The following LYG1 variants were observed in gnomAD, a reference collection of about 807,000 sequenced individuals.
The protein encoded by LYG1 is lysozyme g1.
LYG1 carries 17 observed loss-of-function variants against 21.7 expected under a neutral mutation model. The ratio of observed to expected loss-of-function variants is 0.78; its 90% CI spans 0.54 to 1.18. The LOEUF is 1.18. Ranked by LOEUF, LYG1 falls within the 50% of genes most tolerant of loss-of-function variation. LYG1 has a pLI of 0.00. For synonymous variants in LYG1, 81 were observed against 87.4 expected, an observed-to-expected ratio of 0.93 and a Z score of 0.41; for missense variants, 211 against 238.1, an observed-to-expected ratio of 0.89 and a Z score of 0.75.
chr2:99,284,762 G>GT lies in LYG1; in HGVS notation c.391dup (p.Thr131AsnfsTer2). 6.2e-7 allele frequency: 1 copy of GT among 1,613,936 alleles called. No individual in the cohort carries two copies. On this transcript the variant is annotated frameshift_variant, in exon 6 of 7. Coordinates refer to ENST00000308528, the MANE Select transcript of LYG1 (RefSeq NM_174898.3). LOFTEE classifies it high-confidence loss of function. Reference sequence around the variant, plus strand: ...TTTGATTCTAGTAGTCAGAACTTCAGTTGTCTGGGAAACCTGAGACTCACT... The same window carrying GT: ...TTTGATTCTAGTAGTCAGAACTTCAGTTTGTCTGGGAAACCTGAGACTCACT...
chr2:99,300,479 G>A (rs140380588), intron 1 of LYG1, among the ~76,000 whole-genome samples: 4 of 152,316 alleles, frequency 2.6e-5, no homozygotes, highest in African/African-American at 7.2e-5. Context: ...CCTCTGTTCC[G>A]TCTATGGACT....
In LYG1 at chr2:99,299,748, A is replaced by T. The variant is rs114223774; in HGVS notation, c.-123-1199T>A. Among the ~76,000 whole-genome samples, 439 of 151,826 alleles carry T rather than the reference A, an allele frequency of 2.9e-3. 2 individuals carry two copies. The highest frequency in any genetic ancestry group is 1.0e-2 in the African/African-American group (413 of 41,498). ...ATTATTTTTAATTTTTTATTATTTT[A>T]ACTTTTTAATTTTTTTAATTTTTGT... On this transcript the variant is annotated intron_variant, in intron 1 of 6. Coordinates refer to ENST00000308528, the MANE Select transcript of LYG1 (RefSeq NM_174898.3).
chr2:99,286,698 G>A (rs2094100732), intron 5 of LYG1, among the ~76,000 whole-genome samples: 1 of 152,040 alleles, frequency 6.6e-6, no homozygotes, highest in Non-Finnish European at 1.5e-5. Flanking sequence ...GAGTGAGACT[G>A]TCTCAAAAAA....
At position 99,295,615 on chromosome 2, in the gene LYG1, C is replaced by T; in HGVS notation, c.43+13G>A. The T allele has an allele frequency of 6.2e-7, 1 of 1,614,150 alleles. No homozygotes were observed. ...CATCTCCAAAGTCATTTGTAAAAAT[C>T]AGCCACACTCACCCATCAGGGCAAG... On this transcript the variant is annotated intron_variant, in intron 3 of 6. Transcript: ENST00000308528.
Position 99,291,395 on chromosome 2 carries a change from C to T in LYG1, c.175G>A (p.Glu59Lys). Residue 59 changes from glutamate to lysine, a missense_variant, in exon 5 of 7, where the codon GAA (glutamate) becomes AAA (lysine). By Grantham distance (56) the Glu-to-Lys change is moderately conservative. Transcript: ENST00000308528. ...CGVRASERLAEIDMPYLLKYQ... is the reference protein window; with the variant it reads ...CGVRASERLAKIDMPYLLKYQ... ...TTCAGGAGGTATGGCATGTCTATTT[C>T]AGCCAGCCTTTCAGAAGCACGAACT... 2.5e-6 allele frequency: 4 copies of T among 1,614,182 alleles called. No individual in the cohort carries two copies. The highest frequency in any genetic ancestry group is 3.4e-6 in the Non-Finnish European group (4 of 1,180,028).
At chr2:99,302,817 G>A (rs747240509), upstream of LYG1, among the ~76,000 whole-genome samples, 6 of 151,860 alleles carry the variant, frequency 4.0e-5, no homozygotes, top group South Asian at 6.2e-4. Context: ...TCAGGAGTTC[G>A]GACCAGCCTG....
upstream of LYG1, among the ~76,000 whole-genome samples, chr2:99,303,864 C>A (rs2094160630): frequency 6.6e-6 from 1 of 151,054 alleles, no homozygotes; most frequent in Non-Finnish European, 1.5e-5. Context: ...CTCAAGAGAT[C>A]TGATGATTTT....
intron 1 of LYG1, among the ~76,000 whole-genome samples, chr2:99,299,622 G>A (rs1343751024): frequency 1.4e-4 from 21 of 150,386 alleles, no homozygotes; most frequent in East Asian, 1.4e-3. Context: ...ACGGGGTTTC[G>A]CCATGTTGGC....
chr2:99,295,721 G>C lies in LYG1; in HGVS notation c.-32-19C>G. The C allele has an allele frequency of 6.2e-7, 1 of 1,608,562 alleles. No homozygotes were observed. Among genetic ancestry groups the C allele is most frequent in the Non-Finnish European group, 8.5e-7 (1 of 1,175,126 alleles). On this transcript the variant is annotated intron_variant, in intron 2 of 6. Coordinates refer to ENST00000308528, the MANE Select transcript of LYG1 (RefSeq NM_174898.3). ...TGAAACACTTTTAAAACAAAAATTA[G>C]CTTGAGAATACAAAAATATCAGTCA... is the stretch of plus-strand genomic sequence containing the variant.
At position 99,284,272 on chromosome 2, in the gene LYG1, G is replaced by A. The variant is rs2094089732; in HGVS notation, c.*121C>T. 3.7e-6 allele frequency: 3 copies of A among 803,308 alleles called. No homozygotes were observed. Among genetic ancestry groups the A allele is most frequent in the Non-Finnish European group, 2.1e-6 (1 of 483,950 alleles). 49.8% of individuals were successfully genotyped at this position (803,308 alleles called of 1,614,324 possible). A position where few individuals can be genotyped will look rare whatever the true frequency, so the allele number is the denominator to read the frequency against. The stretch of plus-strand genomic sequence containing the variant: ...AAATTCTTCCTTTAATGTGATTCAT[G>A]TTATTTTAATGACTTTTAGGTCAAA... On this transcript the variant is annotated 3_prime_UTR_variant, in exon 7 of 7. Coordinates refer to ENST00000308528, the MANE Select transcript of LYG1 (RefSeq NM_174898.3).
At chr2:99,302,059 A>G (rs2094156114), upstream of LYG1, among the ~76,000 whole-genome samples, 2 of 152,174 alleles carry the variant, frequency 1.3e-5, no homozygotes, top group Non-Finnish European at 2.9e-5. Context: ...CCCCAAACAC[A>G]GCGCCATTCT....
chr2:99,289,112 C>T (rs959482447), intron 5 of LYG1, among the ~76,000 whole-genome samples: 1 of 152,082 alleles, frequency 6.6e-6, no homozygotes, highest in Non-Finnish European at 1.5e-5. Context: ...AACAAGAGCT[C>T]CAGGTGTTCA....
At chr2:99,289,865 T>A (rs964213627) in intron 5 of LYG1, among the ~76,000 whole-genome samples, 1 of 152,052 alleles carries the variant, frequency 6.6e-6, no homozygotes, top group African/African-American at 2.4e-5. Context: ...GTTGTTGTTG[T>A]TGTTGTTTTT....
chr2:99,287,873 G>T (rs7603388), intron 5 of LYG1, among the ~76,000 whole-genome samples: 126,353 of 152,114 alleles, frequency 0.83, 53,074 homozygotes, highest in Middle Eastern at 0.97. Context: ...CTCATGTGCA[G>T]GAAACAATTG....
rs757103075 is a variant in LYG1, at chr2:99,295,718, T to C, written c.-32-16A>G. On this transcript the variant is annotated splice_polypyrimidine_tract_variant and intron_variant, in intron 2 of 6. Transcript: ENST00000308528. ...TCCTGAAACACTTTTAAAACAAAAA[T>C]TAGCTTGAGAATACAAAAATATCAG... is the stretch of plus-strand genomic sequence containing the variant. The C allele has an allele frequency of 5.0e-6, 8 of 1,611,598 alleles. No individual in the cohort carries two copies. The highest frequency in any genetic ancestry group is 1.1e-5 in the South Asian group (1 of 91,018).
At chr2:99,290,245 C>G (rs1450610016) in intron 5 of LYG1, among the ~76,000 whole-genome samples, 1 of 152,130 alleles carries the variant, frequency 6.6e-6, no homozygotes, top group Non-Finnish European at 1.5e-5. Flanking sequence ...GACAGAACAG[C>G]GCAGCAGAAA....
At chr2:99,288,925 C>G (rs893759320) in intron 5 of LYG1, among the ~76,000 whole-genome samples, 1 of 152,138 alleles carries the variant, frequency 6.6e-6, no homozygotes, top group Non-Finnish European at 1.5e-5. Context: ...ACTCTCTGAT[C>G]CTTTGTCTCC....
chr2:99,285,421 C>G (rs891577052), intron 5 of LYG1, among the ~76,000 whole-genome samples: 2 of 150,744 alleles, frequency 1.3e-5, no homozygotes, highest in African/African-American at 2.4e-5. Context: ...AGACAAAGAA[C>G]AGAAGGGAAA....
intron 1 of LYG1, among the ~76,000 whole-genome samples, chr2:99,300,496 G>A (rs944896673): frequency 6.6e-6 from 1 of 152,196 alleles, no homozygotes; most frequent in African/African-American, 2.4e-5. Context: ...GACTCTAGAG[G>A]CGTATCTGTC....
Sources: allele counts gnomAD v4.1 joint callset (sites outside exome capture counted in the v4.1 genomes callset), GRCh38; gene constraint gnomAD v4.1.1; transcripts MANE v1.5; gene names NCBI Gene and HGNC (gene_info 2026-07-23, HGNC 2026-07-21).